Variants in IL1RAPL1 observed in about 807,000 individuals in gnomAD.
IL1RAPL1 encodes the protein interleukin-1 receptor accessory protein-like 1.
IL1RAPL1 carries 3 observed loss-of-function variants against 48.4 expected under a neutral mutation model. That is an observed-to-expected ratio of 0.06 (90% CI 0.03 to 0.16). The LOEUF (loss-of-function observed/expected upper bound fraction) is 0.16. IL1RAPL1 is among the 10% of genes least tolerant of loss of function. The pLI, the probability that IL1RAPL1 is intolerant of heterozygous loss-of-function variation, is 1.00. For synonymous variants in IL1RAPL1, 185 were observed against 187.7 expected, an observed-to-expected ratio of 0.99 and a Z score of 0.12; for missense variants, 349 against 530.6, an observed-to-expected ratio of 0.66 and a Z score of 3.36.
intron 2 of IL1RAPL1, among the ~76,000 whole-genome samples, chrX:28,955,171 C>G (rs905354683): frequency 5.4e-5 from 6 of 111,473 alleles, no homozygotes; most frequent in African/African-American, 1.6e-4. Context: ...TAGACTCCTA[C>G]TAGCCAAAAC....
At chrX:29,021,716 TTC>T (rs1926373648) in intron 2 of IL1RAPL1, among the ~76,000 whole-genome samples, 1 of 111,960 alleles carries the variant, frequency 8.9e-6, no homozygotes, top group Non-Finnish European at 1.9e-5. Flanking sequence ...CTGCTATTTA[TTC>T]ACTGTCTTCG....
intron 6 of IL1RAPL1, among the ~76,000 whole-genome samples, chrX:29,669,065 GAAAA>G (rs1201719813): frequency 1.2e-4 from 13 of 111,253 alleles, no homozygotes; most frequent in African/African-American, 4.2e-4. Context: ...AATATGTATT[GAAAA>G]AATGTACAAT....
At chrX:29,062,443 C>G (rs1460513348) in intron 2 of IL1RAPL1, among the ~76,000 whole-genome samples, 1 of 112,189 alleles carries the variant, frequency 8.9e-6, no homozygotes, top group African/African-American at 3.2e-5. Flanking sequence ...AAGTTTCACA[C>G]CAGGTAAATG....
chrX:28,859,784 T>C (rs1921895318), intron 2 of IL1RAPL1, among the ~76,000 whole-genome samples: 1 of 108,513 alleles, frequency 9.2e-6, no homozygotes, highest in Non-Finnish European at 1.9e-5. Context: ...ACAATAATAA[T>C]ATTTATTACT....
intron 9 of IL1RAPL1, 31 bp downstream of exon 9, chrX:29,941,825 T>C: frequency 8.4e-7 from 1 of 1,184,495 alleles, no homozygotes; most frequent in Non-Finnish European, 1.1e-6. Context: ...TTGTTCTTTC[T>C]GAATGTTCTA....
intron 6 of IL1RAPL1, among the ~76,000 whole-genome samples, chrX:29,694,057 C>T (rs1025799997): frequency 9.0e-6 from 1 of 111,663 alleles, no homozygotes; most frequent in Non-Finnish European, 1.9e-5. Context: ...ATATAATAAG[C>T]AGCTATTCTT....
chrX:29,393,136 T>G (rs1217402393), intron 3 of IL1RAPL1, among the ~76,000 whole-genome samples: 1 of 102,486 alleles, frequency 9.8e-6, no homozygotes. Context: ...CCTAGTTTTC[T>G]GTTTTTTGAG....
chrX:29,334,933 G>A (rs1341012475), intron 3 of IL1RAPL1, among the ~76,000 whole-genome samples: 1 of 112,817 alleles, frequency 8.9e-6, no homozygotes. Context: ...GCGGCTGGGA[G>A]GTGGAGGTTG....
chrX:28,667,772 C>T (rs1934897833), intron 1 of IL1RAPL1, among the ~76,000 whole-genome samples: 1 of 111,791 alleles, frequency 8.9e-6, no homozygotes, highest in Non-Finnish European at 1.9e-5. Flanking sequence ...CTGGTGAGAA[C>T]CCTCTTCTTG....
At chrX:29,644,849 G>C (rs1448811227) in intron 5 of IL1RAPL1, among the ~76,000 whole-genome samples, 1 of 112,702 alleles carries the variant, frequency 8.9e-6, no homozygotes, top group Non-Finnish European at 1.9e-5. Context: ...TTACAGGCAA[G>C]AGCCACCACG....
At chrX:28,993,895 C>G (rs940989028) in intron 2 of IL1RAPL1, among the ~76,000 whole-genome samples, 1 of 111,540 alleles carries the variant, frequency 9.0e-6, no homozygotes, top group Non-Finnish European at 1.9e-5. Flanking sequence ...ATTTGCTCTT[C>G]TAAATTTTAT....
At chrX:29,403,943 C>A (rs976553505) in intron 5 of IL1RAPL1, among the ~76,000 whole-genome samples, 1 of 112,399 alleles carries the variant, frequency 8.9e-6, no homozygotes, top group African/African-American at 3.2e-5. Flanking sequence ...TCACTCATTT[C>A]CAAAGTTGCT....
chrX:28,836,334 TTTTATATATATATATA>T (rs1569182993), intron 2 of IL1RAPL1, among the ~76,000 whole-genome samples: 3 of 56,542 alleles, frequency 5.3e-5, no homozygotes, highest in African/African-American at 3.4e-4. Flanking sequence ...TGCTTCCCAA[TTTTATATATATATATA>T]TATATATATA....
chrX:28,906,675 A>G lies in IL1RAPL1; in HGVS notation c.82+117250A>G, dbSNP rs142867069. ...CTAGACATATGTATATATCCAAGCT[A>G]TTTAGGTAAATAATTTGATTTAAAC... On this transcript the variant is annotated intron_variant, in intron 2 of 10. Coordinates refer to ENST00000378993, the MANE Select transcript of IL1RAPL1 (RefSeq NM_014271.4). 1.5e-4 allele frequency among the ~76,000 whole-genome samples: 17 copies of G among 111,930 alleles called. No individual in the cohort carries two copies. The East Asian group carries it at 3.6e-3, about 24-fold the overall frequency.
intron 6 of IL1RAPL1, among the ~76,000 whole-genome samples, chrX:29,879,395 G>GTA (rs1159189468): frequency 8.5e-4 from 74 of 86,874 alleles, no homozygotes; most frequent in South Asian, 2.9e-3. Context: ...GTGTGTGTGT[G>GTA]TATATATATA....
At chrX:29,942,765 G>A (rs777708168) in intron 9 of IL1RAPL1, among the ~76,000 whole-genome samples, 6 of 109,222 alleles carry the variant, frequency 5.5e-5, no homozygotes, top group African/African-American at 6.7e-5. Flanking sequence ...GATTACAGGC[G>A]CCCGTCATCA....
chrX:28,615,468 A>T (rs1363100587), intron 1 of IL1RAPL1, among the ~76,000 whole-genome samples: 2 of 110,150 alleles, frequency 1.8e-5, no homozygotes, highest in East Asian at 5.7e-4. Context: ...TTAATTTGTA[A>T]AAGTCAGTTT....
Position 29,356,289 on chromosome X carries a change from A to G in IL1RAPL1, c.363-39969A>G, listed in dbSNP as rs777668945. Among the ~76,000 whole-genome samples, 3 of 112,857 alleles carry G rather than the reference A, an allele frequency of 2.7e-5. No homozygotes were observed. The South Asian group carries it at 1.1e-3, about 40-fold the overall frequency. ...TTATACCTACGACACTAATCCCTTT[A>G]TTCTCCTACAGTGAGGCAATCGTTT... On this transcript the variant is annotated intron_variant, in intron 3 of 10. Coordinates refer to ENST00000378993, the MANE Select transcript of IL1RAPL1 (RefSeq NM_014271.4).
chrX:28,667,804 A>C (rs1211184850), intron 1 of IL1RAPL1, among the ~76,000 whole-genome samples: 1 of 111,703 alleles, frequency 9.0e-6, no homozygotes, highest in Non-Finnish European at 1.9e-5. Flanking sequence ...CTATCTTCTT[A>C]TATCCTCACA....
Sources: allele counts gnomAD v4.1 joint callset (sites outside exome capture counted in the v4.1 genomes callset), GRCh38; gene constraint gnomAD v4.1.1; transcripts MANE v1.5; gene names NCBI Gene and HGNC (gene_info 2026-07-23, HGNC 2026-07-21).